Variants in SEPSECS observed in about 807,000 individuals in gnomAD.
SEPSECS encodes Sep (O-phosphoserine) tRNA:Sec (selenocysteine) tRNA synthase, also known as O-phosphoseryl-tRNA(Sec) selenium transferase.
A neutral mutation model predicts 52.1 loss-of-function variants in SEPSECS; 42 were observed. The observed-to-expected ratio is 0.81, with a 90% CI of 0.63 to 1.04. SEPSECS has a LOEUF of 1.04. Ranked by LOEUF, SEPSECS falls within the 50% of genes least tolerant of loss-of-function variation. The pLI is 0.00. For missense variants in SEPSECS, 590 were observed against 610.6 expected (o/e 0.97, Z 0.36); for synonymous variants, 216 against 211.4 (o/e 1.02, Z -0.19).
chr4:25,159,576 A>T (rs1329797548), intron 1 of SEPSECS: 2 of 413,356 alleles, frequency 4.8e-6, no homozygotes, highest in Non-Finnish European at 9.7e-6. Flanking sequence ...GTTTGAGATC[A>T]GCCTGGCCAA....
intron 8 of SEPSECS, among the ~76,000 whole-genome samples, chr4:25,143,953 T>C (rs938475771): frequency 9.9e-5 from 15 of 152,186 alleles, no homozygotes; most frequent in African/African-American, 3.6e-4. Flanking sequence ...TGTCCTGAAT[T>C]AAGCTAGTTG....
rs1010564835 is a variant in SEPSECS at position 25,120,436 on chromosome 4, T to G, written c.*3495A>C. 6.6e-6 allele frequency: 1 copy of G among 152,130 alleles called. No homozygotes were observed. The allele number at this position is 152,130 out of a possible 1,614,324, so 9.4% of individuals were successfully genotyped here. On this transcript the variant is annotated 3_prime_UTR_variant, in exon 11 of 11. Transcript: ENST00000382103. ...TAGGTCTGTTTACTAAGATTGGCCA[T>G]AAGAGACATTAACCAACATAATATG...
Position 25,158,954 on chromosome 4 carries a change from T to C in SEPSECS, c.268A>G (p.Arg90Gly), listed in dbSNP as rs750591974. Reference protein sequence around the residue: ...ASALVARRHYRFIHGIGRSGD... With the variant: ...ASALVARRHYGFIHGIGRSGD... ...CCTGTACTACTTAAAAAAAGATACC[T>C]GTAATGACGACGAGCAACCAGTGCG... Residue 90 changes from arginine (R) to glycine (G), a missense_variant and splice_region_variant, in exon 2 of 11, where the codon AGG becomes GGG. Coordinates refer to ENST00000382103, the MANE Select transcript of SEPSECS (RefSeq NM_016955.4). The C allele has an allele frequency of 1.2e-6, 2 of 1,613,772 alleles. No homozygotes were observed. Among genetic ancestry groups the C allele is most frequent in the East Asian group, 2.2e-5 (1 of 44,878 alleles).
chr4:25,159,120 A>C lies in SEPSECS; in HGVS notation c.115-13T>G, dbSNP rs534299884. On this transcript the variant is annotated splice_polypyrimidine_tract_variant and intron_variant, in intron 1 of 10. Coordinates refer to ENST00000382103, the MANE Select transcript of SEPSECS (RefSeq NM_016955.4). ...CTGGACACTTGCCCTTAAAAAAAAAAAAAAACTTATGATTATATTTAATAA... is the reference window on the plus strand; with the variant it reads ...CTGGACACTTGCCCTTAAAAAAAAACAAAAACTTATGATTATATTTAATAA... The C allele has an allele frequency of 2.0e-5, 31 of 1,567,392 alleles. No individual in the cohort carries two copies. The South Asian group carries it at 2.8e-4, about 14-fold the overall frequency.
At chr4:25,152,418 C>G (rs2109029540) in intron 5 of SEPSECS, among the ~76,000 whole-genome samples, 1 of 152,018 alleles carries the variant, frequency 6.6e-6, no homozygotes, top group Admixed American at 6.5e-5. Context: ...TTTTTTTCCA[C>G]TTTTGGTTGC....
intron 2 of SEPSECS, among the ~76,000 whole-genome samples, chr4:25,158,359 G>A (rs918360588): frequency 3.3e-5 from 5 of 152,184 alleles, no homozygotes; most frequent in Non-Finnish European, 7.3e-5. Flanking sequence ...AAGGTTAGTG[G>A]ACAGAGCAAT....
intron 4 of SEPSECS, 124 bp downstream of exon 4, chr4:25,155,912 AT>A: frequency 5.6e-6 from 5 of 896,642 alleles, no homozygotes; most frequent in Non-Finnish European, 8.5e-6. Context: ...ATATTTTACA[AT>A]TTTTTCTTTT....
chr4:25,160,265 A>T lies in SEPSECS; in HGVS notation c.105T>A (p.Leu35=). The T allele has an allele frequency of 1.3e-6, 2 of 1,556,034 alleles. No homozygotes were observed. Among genetic ancestry groups the T allele is most frequent in the Non-Finnish European group, 8.7e-7 (1 of 1,149,094 alleles). The part of the protein sequence containing the change: ...RRSHEHLIRL[L]LEKGKCPENG... Reference sequence around the variant, plus strand: ...ACCGACAGCTCGGTACCTTCTCCAGAAGCAGCCGTATGAGGTGCTCATGCG... The same window carrying T: ...ACCGACAGCTCGGTACCTTCTCCAGTAGCAGCCGTATGAGGTGCTCATGCG... The change falls in exon 1 of 11, where the codon CTT becomes CTA. Residue 35 remains leucine, a synonymous_variant. Coordinates refer to ENST00000382103, the MANE Select transcript of SEPSECS (RefSeq NM_016955.4).
chr4:25,159,110 TAAAA>T lies in SEPSECS; in HGVS notation c.115-7_115-4del. 1 of 1,461,926 alleles carries T rather than the reference TAAAA, an allele frequency of 6.8e-7. No individual in the cohort carries two copies. Among genetic ancestry groups the T allele is most frequent in the Non-Finnish European group, 9.2e-7 (1 of 1,086,920 alleles). 90.6% of individuals were successfully genotyped at this position (1,461,926 alleles called of 1,614,324 possible). On this transcript the variant is annotated splice_region_variant and splice_polypyrimidine_tract_variant and intron_variant, in intron 1 of 10. Coordinates refer to ENST00000382103, the MANE Select transcript of SEPSECS (RefSeq NM_016955.4). ...CAGCCATTCTCTGGACACTTGCCCTTAAAAAAAAAAAAAAACTTATGATTATATT... is the reference window on the plus strand; with the variant it reads ...CAGCCATTCTCTGGACACTTGCCCTTAAAAAAAAAAACTTATGATTATATT...
chr4:25,141,634 A>C (rs1020309142), intron 8 of SEPSECS, among the ~76,000 whole-genome samples: 19 of 152,180 alleles, frequency 1.2e-4, no homozygotes, highest in African/African-American at 4.6e-4. Context: ...GTATCCATCC[A>C]GCTTCTGCCC....
At position 25,156,949 on chromosome 4, in the gene SEPSECS, C is replaced by A. The variant is rs764116710; in HGVS notation, c.295G>T (p.Gly99Cys). Residue 99 changes from glycine to cysteine, a missense_variant, in exon 3 of 11, where the codon GGT (glycine) becomes TGT (cysteine). Transcript: ENST00000382103. ...YRFIHGIGRSGDISAVQPKAA... is the reference protein window; with the variant it reads ...YRFIHGIGRSCDISAVQPKAA... ...TTTGGTTGCACAGCAGAAATATCAC[C>A]GGATCGTCCAATGCCATGAATGAAC... 1 of 1,611,992 alleles carries A rather than the reference C, an allele frequency of 6.2e-7. No homozygotes were observed. Among genetic ancestry groups the A allele is most frequent in the Admixed American group, 1.7e-5 (1 of 59,978 alleles).
chr4:25,160,509 A>C, upstream of SEPSECS: 3 of 652,468 alleles, frequency 4.6e-6, no homozygotes, highest in South Asian at 2.1e-5. Context: ...AAAACAAAAC[A>C]AAAAAAACAC....
chr4:25,145,669 A>G (rs1462835245), intron 6 of SEPSECS, among the ~76,000 whole-genome samples: 1 of 152,164 alleles, frequency 6.6e-6, no homozygotes, highest in African/African-American at 2.4e-5. Context: ...AAATGTCTAC[A>G]ATGGGTCCTA....
intron 6 of SEPSECS, among the ~76,000 whole-genome samples, chr4:25,146,067 C>A (rs1024904319): frequency 6.6e-6 from 1 of 152,188 alleles, no homozygotes; most frequent in Non-Finnish European, 1.5e-5. Context: ...CCTCATCCAA[C>A]TTTCTGTCTA....
At position 25,125,740 on chromosome 4, in the gene SEPSECS, T is replaced by A; in HGVS notation, c.1165A>T (p.Thr389Ser). The A allele has an allele frequency of 6.2e-7, 1 of 1,613,156 alleles. No individual in the cohort carries two copies. The highest frequency in any genetic ancestry group is 1.1e-5 in the South Asian group (1 of 90,978). The change falls in exon 10 of 11, where the codon ACT (threonine) becomes TCT (serine). Residue 389 changes from threonine to serine, a missense_variant. Thr to Ser is a moderately conservative substitution (Grantham distance 58). Transcript: ENST00000382103. ...TLDEHRDKAVTQLGSMLFTRQ... is the reference protein window; with the variant it reads ...TLDEHRDKAVSQLGSMLFTRQ... ...GTAAAAAGCATCGAGCCAAGCTGAG[T>A]GACAGCTTTGTCACGGTGTTCATCT...
In SEPSECS at chr4:25,160,328, C is replaced by T. The variant is rs1712996642; in HGVS notation, c.42G>A (p.Ser14=). The T allele has an allele frequency of 4.5e-6, 7 of 1,548,374 alleles. No individual in the cohort carries two copies. The highest frequency in any genetic ancestry group is 1.4e-5 in the African/African-American group (1 of 72,986). Reference sequence around the variant, plus strand: ...CACAGCCCTGCCGCACGTAAGCCGGCGACACCAGCCGCTCTCCCGCCGCGA... The same window carrying T: ...CACAGCCCTGCCGCACGTAAGCCGGTGACACCAGCCGCTCTCCCGCCGCGA... ...ESFAAGERLV[S]PAYVRQGCEA... is the part of the protein sequence containing the mutation. The change falls in exon 1 of 11, where the codon TCG becomes TCA. Residue 14 remains serine, a synonymous_variant. Transcript: ENST00000382103.
At chr4:25,129,018 A>G (rs1177497405) in intron 8 of SEPSECS, among the ~76,000 whole-genome samples, 1 of 152,216 alleles carries the variant, frequency 6.6e-6, no homozygotes, top group Non-Finnish European at 1.5e-5. Flanking sequence ...CTGTCAACCC[A>G]GTACACATAT....
At chr4:25,157,567 C>T (rs1254525758) in intron 2 of SEPSECS, among the ~76,000 whole-genome samples, 1 of 142,054 alleles carries the variant, frequency 7.0e-6, no homozygotes, top group Non-Finnish European at 1.5e-5. Context: ...CGTTTTGAGA[C>T]GGAGTCTCGC....
chr4:25,124,650 T>C (rs1184248624), intron 10 of SEPSECS, among the ~76,000 whole-genome samples: 2 of 152,110 alleles, frequency 1.3e-5, no homozygotes, highest in Non-Finnish European at 2.9e-5. Flanking sequence ...AATATTGAAA[T>C]TTGCAAGTCA....
Sources: gnomAD v4.1 joint callset for allele counts (sites outside exome capture counted in the v4.1 genomes callset) on GRCh38, gnomAD v4.1.1 for gene constraint, MANE v1.5 for transcripts, NCBI Gene and HGNC (gene_info 2026-07-23, HGNC 2026-07-21) for gene names.